Variants in FA2H observed in about 807,000 individuals in gnomAD.
FA2H encodes the protein fatty acid 2-hydroxylase.
In FA2H, 22 loss-of-function variants were observed where a neutral mutation model predicts 44.9. The observed-to-expected ratio is 0.49, with a 90% CI of 0.35 to 0.70. The LOEUF is 0.70. FA2H is among the 30% of genes least tolerant of loss of function. FA2H has a pLI of 0.01. For synonymous variants in FA2H, 243 were observed against 213.2 expected (o/e 1.14, Z -1.22); for missense variants, 501 against 504.9 (o/e 0.99, Z 0.07).
intron 6 of FA2H, among the ~76,000 whole-genome samples, chr16:74,714,506 AG>A (rs1961650638): frequency 6.6e-6 from 1 of 152,058 alleles, no homozygotes; most frequent in Non-Finnish European, 1.5e-5. Context: ...CTTCGTTTCT[AG>A]GCTACGTGGC....
intron 1 of FA2H, among the ~76,000 whole-genome samples, chr16:74,750,761 C>CTGTGTGTGTGTGTGTGTGTG (rs55799456): frequency 0.019 from 2,704 of 141,630 alleles, 46 homozygotes; most frequent in Middle Eastern, 0.057. Flanking sequence ...TTTTTTTTCA[C>CTGTGTGTGTGTGTGTGTGTG]TGTGTGTGTG....
At chr16:74,718,090 G>C (rs1169373003) in intron 5 of FA2H, among the ~76,000 whole-genome samples, 1 of 152,182 alleles carries the variant, frequency 6.6e-6, no homozygotes, top group African/African-American at 2.4e-5. Context: ...GGAGAGCCGG[G>C]AGGACCACAG....
At chr16:74,723,000 A>G (rs1961873161) in intron 4 of FA2H, among the ~76,000 whole-genome samples, 1 of 152,076 alleles carries the variant, frequency 6.6e-6, no homozygotes, top group Admixed American at 6.6e-5. Context: ...TGCCAAATCT[A>G]AGCATATTTT....
At chr16:74,767,412 A>G (rs7187614) in intron 1 of FA2H, among the ~76,000 whole-genome samples, 80,825 of 152,098 alleles carry the variant, frequency 0.53, 22,187 homozygotes, top group African/African-American at 0.66. Context: ...CGGGGTCTGG[A>G]TGGTGTGTGA....
chr16:74,760,324 T>G (rs1031579337), intron 1 of FA2H, among the ~76,000 whole-genome samples: 9 of 152,202 alleles, frequency 5.9e-5, no homozygotes, highest in Non-Finnish European at 1.2e-4. Flanking sequence ...CAGGCCCTAA[T>G]GCTCATAAAG....
chr16:74,731,298 CTTTT>C (rs796570887), intron 2 of FA2H, among the ~76,000 whole-genome samples: 6 of 131,394 alleles, frequency 4.6e-5, no homozygotes, highest in African/African-American at 1.7e-4. Context: ...CCACGTCTGG[CTTTT>C]TTTTTTTTTT....
At chr16:74,760,070 C>A (rs1962679000) in intron 1 of FA2H, among the ~76,000 whole-genome samples, 1 of 152,186 alleles carries the variant, frequency 6.6e-6, no homozygotes, top group Non-Finnish European at 1.5e-5. Context: ...AGATGAAATC[C>A]CTCTACAGGG....
chr16:74,729,828 A>G (rs1962038850), intron 2 of FA2H, among the ~76,000 whole-genome samples: 1 of 150,734 alleles, frequency 6.6e-6, no homozygotes, highest in South Asian at 2.1e-4. Context: ...TGCCACACAC[A>G]ATCGGAGTGA....
intron 2 of FA2H, among the ~76,000 whole-genome samples, chr16:74,736,823 G>A (rs1432483699): frequency 6.6e-6 from 1 of 152,146 alleles, no homozygotes; most frequent in Non-Finnish European, 1.5e-5. Flanking sequence ...ATGGTCAGCT[G>A]TTGGGGTGGG....
intron 6 of FA2H, among the ~76,000 whole-genome samples, chr16:74,715,048 G>A (rs1262146304): frequency 6.6e-5 from 10 of 152,018 alleles, no homozygotes; most frequent in Admixed American, 6.6e-4. Flanking sequence ...ATGTTGGCCA[G>A]GCTGGTCTTG....
chr16:74,768,898 G>A (rs1962855332), intron 1 of FA2H, among the ~76,000 whole-genome samples: 1 of 151,962 alleles, frequency 6.6e-6, no homozygotes, highest in South Asian at 2.1e-4. Flanking sequence ...CAACACTAGT[G>A]GCTGACGAGT....
intron 2 of FA2H, among the ~76,000 whole-genome samples, chr16:74,732,688 G>A (rs946689508): frequency 6.6e-6 from 1 of 151,478 alleles, no homozygotes; most frequent in Non-Finnish European, 1.5e-5. Flanking sequence ...ATCTTGCCTC[G>A]GCCTCCCAAA....
chr16:74,749,975 CAA>C (rs770152188), intron 1 of FA2H, among the ~76,000 whole-genome samples: 2 of 152,184 alleles, frequency 1.3e-5, no homozygotes, highest in Non-Finnish European at 2.9e-5. Flanking sequence ...TCAGGGTAAA[CAA>C]GAGGGGCTTT....
Position 74,737,640 on chromosome 16 carries a change from C to T in FA2H, c.363+2383G>A, listed in dbSNP as rs372003635. On this transcript the variant is annotated intron_variant, in intron 2 of 6. Coordinates refer to ENST00000219368, the MANE Select transcript of FA2H (RefSeq NM_024306.5). Reference sequence around the variant, plus strand: ...ACCTTCTAGGGCCAGGGAAACTGGGCCCCGGGAGGCCAGGACTCCAGTCTT... The same window carrying T: ...ACCTTCTAGGGCCAGGGAAACTGGGTCCCGGGAGGCCAGGACTCCAGTCTT... 2.0e-4 allele frequency among the ~76,000 whole-genome samples: 30 copies of T among 152,300 alleles called. No individual in the cohort carries two copies. In the East Asian group the frequency reaches 4.1e-3, roughly 21 times the overall value.
chr16:74,724,039 T>C (rs937100041), intron 4 of FA2H, among the ~76,000 whole-genome samples: 1 of 152,064 alleles, frequency 6.6e-6, no homozygotes, highest in Non-Finnish European at 1.5e-5. Flanking sequence ...GTAGCTGAGA[T>C]TACAGGCACA....
chr16:74,723,033 G>A (rs1257174590), intron 4 of FA2H, among the ~76,000 whole-genome samples: 1 of 152,064 alleles, frequency 6.6e-6, no homozygotes, highest in Non-Finnish European at 1.5e-5. Context: ...TAAGCTGGCT[G>A]TGGCATATGA....
intron 2 of FA2H, among the ~76,000 whole-genome samples, chr16:74,728,495 T>G (rs936610680): frequency 2.0e-5 from 3 of 151,750 alleles, no homozygotes; most frequent in Non-Finnish European, 4.4e-5. Context: ...TGACAGGGAG[T>G]GTGGGCACAG....
chr16:74,738,450 C>T (rs1962223402), intron 2 of FA2H, among the ~76,000 whole-genome samples: 2 of 152,256 alleles, frequency 1.3e-5, no homozygotes, highest in East Asian at 3.9e-4. Context: ...AGGAGCTGAC[C>T]ACAGAGCTGG....
intron 5 of FA2H, 75 bp from the exon 6 acceptor site, chr16:74,716,674 G>A: frequency 6.8e-7 from 1 of 1,476,122 alleles, no homozygotes; most frequent in Non-Finnish European, 9.0e-7. Context: ...GCCACTCCCT[G>A]CAGAGGACAG....
Sources: allele counts gnomAD v4.1 joint callset (sites outside exome capture counted in the v4.1 genomes callset), GRCh38; gene constraint gnomAD v4.1.1; transcripts MANE v1.5; gene names NCBI Gene and HGNC (gene_info 2026-07-23, HGNC 2026-07-21).